The following ADAMTS3 variants were observed in gnomAD, a reference collection of about 807,000 sequenced individuals.
ADAMTS3 encodes ADAM metallopeptidase with thrombospondin type 1 motif 3.
A neutral mutation model predicts 129.0 loss-of-function variants in ADAMTS3; 73 were observed. That is an observed-to-expected ratio of 0.57 (90% CI 0.47 to 0.69). The LOEUF is 0.69. Among genes scored for constraint, ADAMTS3 ranks in the 30% least tolerant of loss-of-function variants. ADAMTS3 has a pLI of 0.00. For missense variants in ADAMTS3, 1,457 were observed against 1,514.5 expected (o/e 0.96, Z 0.63); for synonymous variants, 477 against 510.8 (o/e 0.93, Z 0.89).
chr4:72,546,229 C>A (rs549281039), intron 3 of ADAMTS3, among the ~76,000 whole-genome samples: 25 of 152,228 alleles, frequency 1.6e-4, no homozygotes, highest in Non-Finnish European at 2.9e-4. Context: ...GAGAGGCTCT[C>A]TTTATGGTTC....
At chr4:72,481,141 C>T (rs1719424491) in intron 3 of ADAMTS3, among the ~76,000 whole-genome samples, 1 of 152,074 alleles carries the variant, frequency 6.6e-6, no homozygotes, top group African/African-American at 2.4e-5. Context: ...AACTTGTGAA[C>T]AAGCTTGATG....
At chr4:72,333,641 A>G (rs1719907806) in intron 5 of ADAMTS3, among the ~76,000 whole-genome samples, 1 of 151,976 alleles carries the variant, frequency 6.6e-6, no homozygotes, top group Non-Finnish European at 1.5e-5. Flanking sequence ...AGCTCCTCCT[A>G]TGACCTGAAA....
intron 5 of ADAMTS3, among the ~76,000 whole-genome samples, chr4:72,335,883 C>A (rs1244695468): frequency 6.6e-6 from 1 of 152,112 alleles, no homozygotes; most frequent in Admixed American, 6.6e-5. Context: ...TCTACCTCTA[C>A]ATTATTTATA....
At chr4:72,350,250 G>A (rs1487999655) in intron 4 of ADAMTS3, among the ~76,000 whole-genome samples, 4 of 152,042 alleles carry the variant, frequency 2.6e-5, no homozygotes, top group African/African-American at 9.7e-5. Flanking sequence ...CTACATAACT[G>A]TGTGCCTGTA....
intron 3 of ADAMTS3, among the ~76,000 whole-genome samples, chr4:72,435,625 T>C (rs529700353): frequency 2.0e-5 from 3 of 151,842 alleles, no homozygotes; most frequent in Admixed American, 2.0e-4. Context: ...TGTAAGACAG[T>C]ACATGGCACA....
At chr4:72,319,311 G>A (rs767131225) in intron 9 of ADAMTS3, 21 bp downstream of exon 9, 2 of 1,612,976 alleles carry the variant, frequency 1.2e-6, no homozygotes, top group South Asian at 2.2e-5. Flanking sequence ...ATACTTTCAT[G>A]ACATGCAGCA....
chr4:72,455,881 A>T (rs1373386675), intron 3 of ADAMTS3, among the ~76,000 whole-genome samples: 1 of 120,602 alleles, frequency 8.3e-6, no homozygotes, highest in Non-Finnish European at 1.7e-5. Flanking sequence ...TGTATATACT[A>T]TATATATTTT....
In ADAMTS3 at chr4:72,569,127, C is replaced by T. The variant is rs1389560365; in HGVS notation, c.-365G>A. 3 of 267,358 alleles carry T rather than the reference C, an allele frequency of 1.1e-5. No homozygotes were observed. Among genetic ancestry groups the T allele is most frequent in the Non-Finnish European group, 2.1e-5 (3 of 140,534 alleles). 16.6% of individuals were successfully genotyped at this position (267,358 alleles called of 1,614,324 possible). Reference sequence around the variant, plus strand: ...TCGAGGCTTTTCGAGCACCATTGGTCCCTAAGGTTAGCGCGGAGAATGCTT... The same window carrying T: ...TCGAGGCTTTTCGAGCACCATTGGTTCCTAAGGTTAGCGCGGAGAATGCTT... On this transcript the variant is annotated 5_prime_UTR_variant, in exon 1 of 22. Transcript: ENST00000286657.
chr4:72,565,302 G>C (rs1272371317), intron 2 of ADAMTS3, among the ~76,000 whole-genome samples: 1 of 152,048 alleles, frequency 6.6e-6, no homozygotes, highest in African/African-American at 2.4e-5. Context: ...CTTTCCTAAT[G>C]TATTTCTGAT....
At chr4:72,312,569 C>T in intron 12 of ADAMTS3, 103 bp from the exon 13 acceptor site, 4 of 1,128,114 alleles carry the variant, frequency 3.5e-6, no homozygotes, top group Non-Finnish European at 3.8e-6. Flanking sequence ...TTCTGGGCTG[C>T]CAGCACAAAG....
intron 2 of ADAMTS3, among the ~76,000 whole-genome samples, chr4:72,551,739 TAGA>T (rs1286282821): frequency 3.3e-5 from 5 of 152,182 alleles, no homozygotes; most frequent in Non-Finnish European, 7.3e-5. Context: ...AAAGCAGACC[TAGA>T]AGACTTGACA....
At chr4:72,344,011 T>C (rs1008369100) in intron 4 of ADAMTS3, among the ~76,000 whole-genome samples, 1 of 152,184 alleles carries the variant, frequency 6.6e-6, no homozygotes, top group Non-Finnish European at 1.5e-5. Flanking sequence ...GTGCACCCCC[T>C]AGTTTCCCAA....
chr4:72,341,624 G>A (rs772566433), intron 4 of ADAMTS3, among the ~76,000 whole-genome samples: 5 of 152,158 alleles, frequency 3.3e-5, no homozygotes, highest in Non-Finnish European at 5.9e-5. Flanking sequence ...CAGAGAAAAC[G>A]TCCAATGGAA....
At chr4:72,328,915 A>C (rs1308216258) in intron 5 of ADAMTS3, among the ~76,000 whole-genome samples, 1 of 152,110 alleles carries the variant, frequency 6.6e-6, no homozygotes, top group Non-Finnish European at 1.5e-5. Flanking sequence ...AAAAGTTCCA[A>C]ACTCATACCT....
chr4:72,301,716 T>G (rs927087666), intron 17 of ADAMTS3, among the ~76,000 whole-genome samples: 13 of 152,144 alleles, frequency 8.5e-5, no homozygotes, highest in African/African-American at 3.1e-4. Context: ...GAAACTTTTT[T>G]TTTTTGTTTG....
chr4:72,364,780 G>T (rs1720827671), intron 4 of ADAMTS3, among the ~76,000 whole-genome samples: 1 of 152,002 alleles, frequency 6.6e-6, no homozygotes, highest in African/African-American at 2.4e-5. Flanking sequence ...ATAGAGACAA[G>T]GACTCACTCT....
At chr4:72,305,424 T>C (rs559500955) in intron 16 of ADAMTS3, among the ~76,000 whole-genome samples, 2 of 152,184 alleles carry the variant, frequency 1.3e-5, no homozygotes, top group African/African-American at 4.8e-5. Flanking sequence ...TCAATCAAAA[T>C]ATCAGAACTT....
intron 3 of ADAMTS3, among the ~76,000 whole-genome samples, chr4:72,506,271 C>T (rs1377991345): frequency 5.3e-5 from 8 of 152,212 alleles, no homozygotes; most frequent in African/African-American, 1.9e-4. Context: ...CAGAGAAGAC[C>T]CTGCTGCACA....
chr4:72,398,443 C>T (rs543325946), intron 4 of ADAMTS3, among the ~76,000 whole-genome samples: 31 of 152,088 alleles, frequency 2.0e-4, no homozygotes, highest in South Asian at 8.3e-4. Flanking sequence ...GGCATAGTAA[C>T]GCACAACTGT....
Sources: gnomAD v4.1 joint callset for allele counts (sites outside exome capture counted in the v4.1 genomes callset) on GRCh38, gnomAD v4.1.1 for gene constraint, MANE v1.5 for transcripts, NCBI Gene and HGNC (gene_info 2026-07-23, HGNC 2026-07-21) for gene names.